OCIAD1: variants seen among roughly 807,000 people sequenced by gnomAD.
OCIAD1 encodes the protein OCIA domain-containing protein 1.
In OCIAD1, 29 loss-of-function variants were observed where a neutral mutation model predicts 38.9. The ratio of observed to expected loss-of-function variants is 0.74; its 90% CI spans 0.55 to 1.02. The LOEUF is 1.02. Among genes scored for constraint, OCIAD1 ranks in the 50% least tolerant of loss-of-function variants. The pLI is 0.00. For synonymous variants in OCIAD1, 110 were observed against 92.0 expected (o/e 1.20, Z -1.12); for missense variants, 288 against 289.6 (o/e 0.99, Z 0.04).
chr4:48,812,900 C>G (rs915979120), intron 1 of OCIAD1, among the ~76,000 whole-genome samples: 4 of 152,098 alleles, frequency 2.6e-5, no homozygotes, highest in African/African-American at 9.7e-5. Flanking sequence ...GGATGGGAGA[C>G]AGAATGGGTC....
intron 1 of OCIAD1, among the ~76,000 whole-genome samples, chr4:48,820,957 A>C (rs960014639): frequency 2.6e-5 from 4 of 152,210 alleles, no homozygotes; most frequent in African/African-American, 9.6e-5. Flanking sequence ...TCACAGCCGA[A>C]TTCTACCAGA....
At chr4:48,849,784 CTGATT>C (rs1420729666) in intron 5 of OCIAD1, among the ~76,000 whole-genome samples, 158 bp from the exon 6 acceptor site, 1 of 152,130 alleles carries the variant, frequency 6.6e-6, no homozygotes, top group African/African-American at 2.4e-5. Flanking sequence ...GAACTCTGAT[CTGATT>C]TAATTTTGAT....
intron 3 of OCIAD1, among the ~76,000 whole-genome samples, chr4:48,840,833 CAA>C (rs1233881090): frequency 1.9e-4 from 9 of 46,374 alleles, no homozygotes; most frequent in Non-Finnish European, 2.4e-4. Flanking sequence ...CTCATCTCTA[CAA>C]AAAAAAAAAA....
At chr4:48,820,509 AACAAATTC>A (rs1451993161) in intron 1 of OCIAD1, among the ~76,000 whole-genome samples, 1 of 152,206 alleles carries the variant, frequency 6.6e-6, no homozygotes, top group Non-Finnish European at 1.5e-5. Flanking sequence ...AGCAAGAGCA[AACAAATTC>A]AAAAGCTAGC....
intron 3 of OCIAD1, among the ~76,000 whole-genome samples, chr4:48,834,985 G>A (rs1313174882): frequency 6.6e-6 from 1 of 152,226 alleles, no homozygotes; most frequent in Non-Finnish European, 1.5e-5. Context: ...CCAGGCTGGA[G>A]TGCAGTGGTG....
intron 1 of OCIAD1, among the ~76,000 whole-genome samples, chr4:48,823,561 TAA>T (rs11336762): frequency 2.1e-5 from 3 of 142,192 alleles, no homozygotes; most frequent in African/African-American, 2.6e-5. Flanking sequence ...TAAAGTAAAA[TAA>T]AAAAAAAAAG....
Position 48,842,617 on chromosome 4 carries a change from G to T in OCIAD1, c.140-19G>T, listed in dbSNP as rs1157912571. ...CTTTTACTTTTGTTGATGTTAACAAGGTCTTTTTCTTCCTATAGCTGTGCC... is the reference window on the plus strand; with the variant it reads ...CTTTTACTTTTGTTGATGTTAACAATGTCTTTTTCTTCCTATAGCTGTGCC... On this transcript the variant is annotated intron_variant, in intron 3 of 8. Coordinates refer to ENST00000264312, the MANE Select transcript of OCIAD1 (RefSeq NM_017830.4). 6.5e-7 allele frequency: 1 copy of T among 1,542,098 alleles called. No homozygotes were observed. Among genetic ancestry groups the T allele is most frequent in the South Asian group, 1.2e-5 (1 of 82,788 alleles).
chr4:48,861,005 A>G lies in OCIAD1; in HGVS notation c.*243A>G. 2.4e-6 allele frequency: 1 copy of G among 418,374 alleles called. No individual in the cohort carries two copies. The highest frequency in any genetic ancestry group is 3.8e-5 in the East Asian group (1 of 25,982). The allele number at this position is 418,374 out of a possible 1,614,324, so 25.9% of individuals were successfully genotyped here. ...ATGGTATTATACCATGATTGTATAC[A>G]GTTTGTGAAATTGTTGCAAGGGCAA... On this transcript the variant is annotated 3_prime_UTR_variant, in exon 9 of 9. Coordinates refer to ENST00000264312, the MANE Select transcript of OCIAD1 (RefSeq NM_017830.4).
At chr4:48,831,375 C>T (rs1161769332) in intron 1 of OCIAD1, 126 bp downstream of exon 1, 5 of 638,350 alleles carry the variant, frequency 7.8e-6, no homozygotes, top group Non-Finnish European at 1.0e-5. Flanking sequence ...AGATCGCGCT[C>T]GGGTCTCGGC....
chr4:48,814,528 C>G (rs138471005), intron 1 of OCIAD1, among the ~76,000 whole-genome samples: 2 of 152,124 alleles, frequency 1.3e-5, no homozygotes, highest in African/African-American at 4.8e-5. Context: ...ATTTACACAA[C>G]AGCATCGATT....
At chr4:48,815,422 G>C (rs895521858) in intron 1 of OCIAD1, among the ~76,000 whole-genome samples, 1 of 152,212 alleles carries the variant, frequency 6.6e-6, no homozygotes, top group African/African-American at 2.4e-5. Flanking sequence ...AAATAGCTGG[G>C]AGGTAATTGT....
At chr4:48,811,648 C>G (rs1223191274) in intron 1 of OCIAD1, among the ~76,000 whole-genome samples, 1 of 152,092 alleles carries the variant, frequency 6.6e-6, no homozygotes, top group East Asian at 1.9e-4. Context: ...GAGATCCTGT[C>G]TCAAAGTAAT....
rs202183309 is a variant in OCIAD1, at chr4:48,815,309, C to CA, written c.-103+9987dup. Among the ~76,000 whole-genome samples the CA allele has an allele frequency of 7.8e-3, 1,173 of 151,312 alleles. 14 individuals are homozygous for CA. The highest frequency in any genetic ancestry group is 0.027 in the African/African-American group (1,108 of 41,268). ...CGGGGAACAGTGTGAGACTCCATCT[C>CA]AAAAAAAAGAAAAGAATAAATTATT... On this transcript the variant is annotated intron_variant, in intron 1 of 6. Coordinates refer to the OCIAD1 transcript ENST00000504654.
At chr4:48,840,721 G>T (rs1350728981) in intron 3 of OCIAD1, among the ~76,000 whole-genome samples, 2 of 151,936 alleles carry the variant, frequency 1.3e-5, no homozygotes, top group Non-Finnish European at 2.9e-5. Context: ...AAGAGGCTGG[G>T]TGCAGTGGCT....
chr4:48,853,333 A>T (rs936878192), intron 7 of OCIAD1, among the ~76,000 whole-genome samples: 2 of 152,154 alleles, frequency 1.3e-5, no homozygotes, highest in South Asian at 2.1e-4. Flanking sequence ...AGAAATATTA[A>T]TGTGTTTGCT....
At chr4:48,805,650 C>T (rs1777016854) in intron 1 of OCIAD1, among the ~76,000 whole-genome samples, 1 of 151,618 alleles carries the variant, frequency 6.6e-6, no homozygotes, top group Non-Finnish European at 1.5e-5. Context: ...GGCCATTGTA[C>T]TCCAGCCTGG....
chr4:48,845,342 AAAC>A (rs904022721), intron 4 of OCIAD1, among the ~76,000 whole-genome samples: 4 of 152,196 alleles, frequency 2.6e-5, no homozygotes, highest in Admixed American at 6.5e-5. Flanking sequence ...AACTTTTCAA[AAAC>A]AACCTGTTTG....
intron 3 of OCIAD1, among the ~76,000 whole-genome samples, chr4:48,838,686 G>A (rs752058483): frequency 2.6e-5 from 4 of 152,090 alleles, no homozygotes; most frequent in Non-Finnish European, 4.4e-5. Context: ...GTATCACCTT[G>A]GATTAGAAAA....
chr4:48,835,983 G>A (rs1777944266), intron 3 of OCIAD1, among the ~76,000 whole-genome samples: 1 of 152,186 alleles, frequency 6.6e-6, no homozygotes, highest in African/African-American at 2.4e-5. Context: ...TGGAACAGAG[G>A]TCTTTCATTG....
Sources: allele counts gnomAD v4.1 joint callset (sites outside exome capture counted in the v4.1 genomes callset), GRCh38; gene constraint gnomAD v4.1.1; transcripts MANE v1.5; gene names NCBI Gene and HGNC (gene_info 2026-07-23, HGNC 2026-07-21).